Variants in XKR6 observed in about 807,000 individuals in gnomAD.
XKR6 encodes XK-related protein 6.
In XKR6, 22 loss-of-function variants were observed where a neutral mutation model predicts 56.7. The observed-to-expected ratio is 0.39, with a 90% confidence interval of 0.28 to 0.55. The LOEUF is 0.55. Among genes scored for constraint, XKR6 ranks in the 20% least tolerant of loss-of-function variants. The pLI is 0.66. For missense variants in XKR6, 852 were observed against 889.0 expected (o/e 0.96, Z 0.53); for synonymous variants, 524 against 387.8 (o/e 1.35, Z -4.13).
At chr8:11,135,128 G>A (rs1040466529) in intron 1 of XKR6, among the ~76,000 whole-genome samples, 1 of 151,640 alleles carries the variant, frequency 6.6e-6, no homozygotes, top group South Asian at 2.1e-4. Context: ...CGCCTCCCGG[G>A]TTCACGCCAT....
chr8:11,092,805 G>A (rs1162690577), intron 1 of XKR6, among the ~76,000 whole-genome samples: 2 of 152,164 alleles, frequency 1.3e-5, no homozygotes, highest in Non-Finnish European at 2.9e-5. Flanking sequence ...CAATAAATAG[G>A]TTTCTCGCCA....
chr8:11,051,301 G>C (rs1455992717), intron 1 of XKR6, among the ~76,000 whole-genome samples: 2 of 151,968 alleles, frequency 1.3e-5, no homozygotes, highest in Admixed American at 6.6e-5. Context: ...GACCTCGGCA[G>C]CTGCCTGTCT....
rs749197966 is a variant in XKR6, at chr8:10,924,626, G to A, written c.961+8C>T. 1.0e-5 allele frequency: 16 copies of A among 1,595,932 alleles called. No homozygotes were observed. The highest frequency in any genetic ancestry group is 1.4e-5 in the Non-Finnish European group (16 of 1,167,728). On this transcript the variant is annotated splice_region_variant and intron_variant, in intron 2 of 2. Coordinates refer to ENST00000416569, the MANE Select transcript of XKR6 (RefSeq NM_173683.4). ...CGGGGTGGCGGGGCGCGGCCGGCGG[G>A]CACTCACAGGGCAGGGTCTCGGCGC...
chr8:11,190,297 AAAG>A lies in XKR6; in HGVS notation c.764+10276_764+10278del, dbSNP rs1366671773. On this transcript the variant is annotated intron_variant, in intron 1 of 2. Transcript: ENST00000416569. ...AAAGAAAGGAAAATAAAAGAAAAGA[AAAG>A]AAAACAGCTTCTTTATATCCTTGGG... 2.0e-5 allele frequency among the ~76,000 whole-genome samples: 3 copies of A among 152,054 alleles called. No homozygotes were observed. The East Asian group carries it at 5.8e-4, about 29-fold the overall frequency.
chr8:11,088,902 T>C (rs182047330), intron 1 of XKR6, among the ~76,000 whole-genome samples: 32 of 152,350 alleles, frequency 2.1e-4, no homozygotes, highest in African/African-American at 7.5e-4. Flanking sequence ...GTGTGATTAT[T>C]TGTGGCAGGG....
chr8:11,126,953 G>T (rs1392778073), intron 1 of XKR6, among the ~76,000 whole-genome samples: 2 of 152,290 alleles, frequency 1.3e-5, no homozygotes, highest in South Asian at 4.1e-4. Flanking sequence ...CAAACCAGCT[G>T]TAATCCAATG....
intron 1 of XKR6, among the ~76,000 whole-genome samples, chr8:10,991,040 A>G (rs1797980497): frequency 1.3e-5 from 2 of 151,278 alleles, no homozygotes; most frequent in Non-Finnish European, 2.9e-5. Context: ...AGTAACTGGG[A>G]TTACAGGCAC....
At chr8:10,899,440 A>G (rs1799975967) in intron 2 of XKR6, among the ~76,000 whole-genome samples, 1 of 152,082 alleles carries the variant, frequency 6.6e-6, no homozygotes, top group Admixed American at 6.5e-5. Flanking sequence ...ACCTCACTCA[A>G]AGTCCCAAAA....
intron 1 of XKR6, among the ~76,000 whole-genome samples, chr8:11,188,981 C>T (rs143616083): frequency 2.0e-5 from 3 of 152,248 alleles, no homozygotes; most frequent in African/African-American, 7.2e-5. Flanking sequence ...TAATATCTTA[C>T]CAGTAAACAC....
At chr8:10,937,805 G>C (rs1460622540) in intron 1 of XKR6, among the ~76,000 whole-genome samples, 3 of 151,724 alleles carry the variant, frequency 2.0e-5, no homozygotes, top group African/African-American at 4.8e-5. Flanking sequence ...TCTCTTCAAA[G>C]CTGTCAGACA....
At chr8:11,045,945 C>T (rs1019992816) in intron 1 of XKR6, among the ~76,000 whole-genome samples, 4 of 152,196 alleles carry the variant, frequency 2.6e-5, no homozygotes, top group African/African-American at 7.2e-5. Context: ...CAAGTGTTGT[C>T]AAGGATGCAG....
intron 1 of XKR6, among the ~76,000 whole-genome samples, chr8:10,926,916 G>C (rs1800902881): frequency 6.6e-6 from 1 of 152,208 alleles, no homozygotes; most frequent in South Asian, 2.1e-4. Context: ...GGGGGAGGGA[G>C]AGACCCAGAG....
chr8:11,170,275 A>C (rs1360724980), intron 1 of XKR6, among the ~76,000 whole-genome samples: 1 of 152,248 alleles, frequency 6.6e-6, no homozygotes, highest in African/African-American at 2.4e-5. Context: ...TGTTCATAAA[A>C]GTCAAATACT....
chr8:10,939,364 C>G (rs1326471181), intron 1 of XKR6, among the ~76,000 whole-genome samples: 1 of 152,204 alleles, frequency 6.6e-6, no homozygotes, highest in Non-Finnish European at 1.5e-5. Context: ...GAACACTCTA[C>G]TGATGACTTC....
At chr8:11,098,725 A>T (rs76384741) in intron 1 of XKR6, among the ~76,000 whole-genome samples, 2 of 152,236 alleles carry the variant, frequency 1.3e-5, no homozygotes, top group African/African-American at 4.8e-5. Flanking sequence ...AAGTGATAAG[A>T]ACCTCTTAGA....
chr8:11,014,638 A>T (rs1256992463), intron 1 of XKR6, among the ~76,000 whole-genome samples: 1 of 152,176 alleles, frequency 6.6e-6, no homozygotes, highest in Non-Finnish European at 1.5e-5. Context: ...TGCTAACAAA[A>T]TGTAGGTCCC....
chr8:11,184,390 C>CAT (rs1406482941), intron 1 of XKR6, among the ~76,000 whole-genome samples: 185 of 40,460 alleles, frequency 4.6e-3, no homozygotes, highest in Admixed American at 6.4e-3. Context: ...TACACACATA[C>CAT]ACACACACAC....
At chr8:11,130,333 C>T (rs527262130) in intron 1 of XKR6, among the ~76,000 whole-genome samples, 4 of 152,176 alleles carry the variant, frequency 2.6e-5, no homozygotes, top group East Asian at 1.9e-4. Flanking sequence ...GGGATTTTTA[C>T]GTTTTCCAAA....
chr8:11,156,490 G>T (rs1801524876), intron 1 of XKR6, among the ~76,000 whole-genome samples: 1 of 152,182 alleles, frequency 6.6e-6, no homozygotes. Flanking sequence ...AAAGATCTGT[G>T]AAACACCTAA....
Sources: allele counts gnomAD v4.1 joint callset (sites outside exome capture counted in the v4.1 genomes callset), GRCh38; gene constraint gnomAD v4.1.1; transcripts MANE v1.5; gene names NCBI Gene and HGNC (gene_info 2026-07-23, HGNC 2026-07-21).